The following DUSP9 variants were observed in gnomAD, a reference collection of about 807,000 sequenced individuals.
DUSP9 encodes dual specificity protein phosphatase 9.
A neutral mutation model predicts 13.2 loss-of-function variants in DUSP9; 4 were observed. That is an observed-to-expected ratio of 0.30 (90% CI 0.15 to 0.69). DUSP9 has a LOEUF of 0.69. DUSP9 is among the 30% of genes least tolerant of loss of function. The probability of loss-of-function intolerance (pLI) is 0.73; values close to 1 mark genes in which losing one functional copy is unlikely to be tolerated. For synonymous variants in DUSP9, 166 were observed against 172.3 expected (o/e 0.96, Z 0.29); for missense variants, 263 against 355.0 (o/e 0.74, Z 2.08).
intron 2 of DUSP9, among the ~76,000 whole-genome samples, chrX:153,648,713 C>T (rs1053854398): frequency 2.7e-5 from 3 of 112,089 alleles, no homozygotes; most frequent in African/African-American, 9.7e-5. Context: ...CTCAAGCGAT[C>T]CTCCTGCCTT....
upstream of DUSP9, among the ~76,000 whole-genome samples, chrX:153,646,942 A>C (rs1603186226): frequency 9.0e-6 from 1 of 111,204 alleles, no homozygotes; most frequent in African/African-American, 3.3e-5. Context: ...TCTGGTCCTC[A>C]CCCCTCCCCC....
upstream of DUSP9, chrX:153,643,562 G>T: frequency 3.0e-6 from 1 of 327,978 alleles, no homozygotes; most frequent in East Asian, 9.8e-5. Context: ...AGGGGCCCCG[G>T]GGAGGGGCGG....
At chrX:153,644,120 G>C (rs1462661915), upstream of DUSP9, among the ~76,000 whole-genome samples, 1 of 111,501 alleles carries the variant, frequency 9.0e-6, no homozygotes, top group South Asian at 3.7e-4. Flanking sequence ...CACTCGGCCC[G>C]GCGGGAACGG....
upstream of DUSP9, among the ~76,000 whole-genome samples, chrX:153,644,582 C>T (rs192254503): frequency 3.0e-3 from 336 of 111,978 alleles, no homozygotes; most frequent in African/African-American, 1.0e-2. Flanking sequence ...TCCCATTTGT[C>T]CTGTTGCTGG....
At position 153,647,321 on chromosome X, in the gene DUSP9, G is replaced by A. The variant is rs2091191967; in HGVS notation, c.-140G>A. 1 of 113,500 alleles carries A rather than the reference G, an allele frequency of 8.8e-6. No individual in the cohort carries two copies. The highest frequency in any genetic ancestry group is 1.9e-5 in the Non-Finnish European group (1 of 53,303). The allele number at this position is 113,500 out of a possible 1,213,427, so 9.4% of individuals were successfully genotyped here. On this transcript the variant is annotated 5_prime_UTR_variant, in exon 1 of 4. Coordinates refer to ENST00000342782, the MANE Select transcript of DUSP9 (RefSeq NM_001318503.2). The stretch of plus-strand genomic sequence containing the variant: ...CCGCCCCGCCCTCTCCTGGCGGCCA[G>A]GCCTGGGGACTCTCTGCCGCGGGAC...
intron 2 of DUSP9, among the ~76,000 whole-genome samples, chrX:153,648,864 G>A (rs1016009621): frequency 1.8e-5 from 2 of 112,690 alleles, no homozygotes; most frequent in Middle Eastern, 4.2e-3. Context: ...TGAGAGTCAG[G>A]AGATGCCCAG....
chrX:153,650,622 T>G lies in DUSP9; in HGVS notation c.*317T>G. ...GGCTAGGCCCTGCGCCTCCCTGCGC[T>G]TCCCCCTTCAGGAAGGGTGTGTGCC... On this transcript the variant is annotated 3_prime_UTR_variant, in exon 4 of 4. Transcript: ENST00000342782. The G allele has an allele frequency of 7.2e-5, 16 of 223,533 alleles. No individual in the cohort carries two copies. Among genetic ancestry groups the G allele is most frequent in the Non-Finnish European group, 1.2e-4 (15 of 123,476 alleles). 18.4% of individuals were successfully genotyped at this position (223,533 alleles called of 1,213,427 possible).
intron 2 of DUSP9, 150 bp downstream of exon 2, chrX:153,648,476 G>C (rs950449119): frequency 2.9e-6 from 2 of 696,191 alleles, no homozygotes; most frequent in Non-Finnish European, 1.9e-6. Context: ...GAGTGTGACC[G>C]TGGGGAAGTT....
intron 2 of DUSP9, 26 bp downstream of exon 2, chrX:153,648,352 A>C: frequency 9.2e-7 from 1 of 1,091,826 alleles, no homozygotes; most frequent in Non-Finnish European, 1.2e-6. Context: ...CCCTCCTTCC[A>C]GGGGGTTCGG....
At position 153,650,482 on chromosome X, in the gene DUSP9, C is replaced by T; in HGVS notation, c.*177C>T. 1 of 428,279 alleles carries T rather than the reference C, an allele frequency of 2.3e-6. No homozygotes were observed. The highest frequency in any genetic ancestry group is 4.0e-6 in the Non-Finnish European group (1 of 248,105). 35.3% of individuals were successfully genotyped at this position (428,279 alleles called of 1,213,427 possible). On this transcript the variant is annotated 3_prime_UTR_variant, in exon 4 of 4. Coordinates refer to ENST00000342782, the MANE Select transcript of DUSP9 (RefSeq NM_001318503.2). ...TCAACGTGCCTATGGCGGGACCACG[C>T]TCGGAGCCTGCCTCTTCTGCGACTG...
At chrX:153,643,966 G>T (rs2091178226), upstream of DUSP9, among the ~76,000 whole-genome samples, 1 of 112,522 alleles carries the variant, frequency 8.9e-6, no homozygotes, top group African/African-American at 3.2e-5. Flanking sequence ...TCCCAGTCCC[G>T]CGAGGAGACC....
In DUSP9 at chrX:153,648,265, G is replaced by C; in HGVS notation, c.312G>C (p.Ser104=). ...AGGCCGAGGAGTGGGAGGCCGAGTC[G>C]GTGCTGGGCACCCTGCTGCAGAAGC... ...EAEAEEWEAE[S]VLGTLLQKLR... The change falls in exon 2 of 4, where the codon TCG becomes TCC. Residue 104 remains serine (S), a synonymous_variant. Coordinates refer to ENST00000342782, the MANE Select transcript of DUSP9 (RefSeq NM_001318503.2). 3.5e-6 allele frequency: 4 copies of C among 1,130,503 alleles called. No individual in the cohort carries two copies. Among genetic ancestry groups the C allele is most frequent in the Non-Finnish European group, 4.6e-6 (4 of 861,740 alleles). The allele number at this position is 1,130,503 out of a possible 1,213,427, so 93.2% of individuals were successfully genotyped here.
rs2091211710 is a variant in DUSP9 at position 153,650,549 on chromosome X, A to G, written c.*244A>G. 3 of 383,091 alleles carry G rather than the reference A, an allele frequency of 7.8e-6. No individual in the cohort carries two copies. Among genetic ancestry groups the G allele is most frequent in the Non-Finnish European group, 1.4e-5 (3 of 221,476 alleles). 31.6% of individuals were successfully genotyped at this position (383,091 alleles called of 1,213,427 possible). On this transcript the variant is annotated 3_prime_UTR_variant, in exon 4 of 4. Transcript: ENST00000342782. The stretch of plus-strand genomic sequence containing the variant: ...GGATGGGGGTGGGGGTTCCCTCTCC[A>G]GGTGGTTGTCCAGGCCCAGGTCCCG...
chrX:153,650,386 G>A lies in DUSP9; in HGVS notation c.*81G>A. The A allele has an allele frequency of 2.6e-6, 2 of 763,443 alleles. No homozygotes were observed. Among genetic ancestry groups the A allele is most frequent in the Non-Finnish European group, 1.9e-6 (1 of 535,507 alleles). The allele number at this position is 763,443 out of a possible 1,213,427, so 62.9% of individuals were successfully genotyped here. A position where few individuals can be genotyped will look rare whatever the true frequency, so the allele number is the denominator to read the frequency against. On this transcript the variant is annotated 3_prime_UTR_variant, in exon 4 of 4. Transcript: ENST00000342782. ...CCCACTCGTGTGGCAAGGGAGGGGA[G>A]GGCAGGAGGGCTCGGCCTGAGCAGG...
At position 153,650,528 on chromosome X, in the gene DUSP9, G is replaced by A. The variant is rs1003388589; in HGVS notation, c.*223G>A. 11 of 402,842 alleles carry A rather than the reference G, an allele frequency of 2.7e-5. No homozygotes were observed. The highest frequency in any genetic ancestry group is 4.7e-5 in the Non-Finnish European group (11 of 233,595). The allele number at this position is 402,842 out of a possible 1,213,427, so 33.2% of individuals were successfully genotyped here. Reference sequence around the variant, plus strand: ...GACTGTTACTTTTTCTTTGCGGGATGGGGGTGGGGGTTCCCTCTCCAGGTG... The same window carrying A: ...GACTGTTACTTTTTCTTTGCGGGATAGGGGTGGGGGTTCCCTCTCCAGGTG... On this transcript the variant is annotated 3_prime_UTR_variant, in exon 4 of 4. Coordinates refer to ENST00000342782, the MANE Select transcript of DUSP9 (RefSeq NM_001318503.2).
At chrX:153,649,865 G>A (rs1039970874) in intron 3 of DUSP9, 115 bp from the exon 4 acceptor site, 3 of 977,700 alleles carry the variant, frequency 3.1e-6, no homozygotes, top group Non-Finnish European at 4.1e-6. Context: ...AAACCTGCAG[G>A]TCGTGGCCAT....
chrX:153,650,370 G>A lies in DUSP9; in HGVS notation c.*65G>A. 1 of 891,305 alleles carries A rather than the reference G, an allele frequency of 1.1e-6. No individual in the cohort carries two copies. The highest frequency in any genetic ancestry group is 1.5e-6 in the Non-Finnish European group (1 of 649,433). 73.5% of individuals were successfully genotyped at this position (891,305 alleles called of 1,213,427 possible). A position where few individuals can be genotyped will look rare whatever the true frequency, so the allele number is the denominator to read the frequency against. On this transcript the variant is annotated 3_prime_UTR_variant, in exon 4 of 4. Transcript: ENST00000342782. Reference sequence around the variant, plus strand: ...CCCACGGGTGTCCCTGCCCACTCGTGTGGCAAGGGAGGGGAGGGCAGGAGG... The same window carrying A: ...CCCACGGGTGTCCCTGCCCACTCGTATGGCAAGGGAGGGGAGGGCAGGAGG...
chrX:153,642,530 G>C (rs1021732373), upstream of DUSP9: 1 of 112,872 alleles, frequency 8.9e-6, no homozygotes, highest in African/African-American at 3.2e-5. Context: ...GGCTGCAGCA[G>C]TGGCGCTTCC....
upstream of DUSP9, among the ~76,000 whole-genome samples, chrX:153,646,922 G>C (rs1168815625): frequency 8.9e-6 from 1 of 112,860 alleles, no homozygotes; most frequent in African/African-American, 3.2e-5. Context: ...CTGCGGCAGA[G>C]GGGCTGGGCT....
Sources: gnomAD v4.1 joint callset for allele counts (sites outside exome capture counted in the v4.1 genomes callset) on GRCh38, gnomAD v4.1.1 for gene constraint, MANE v1.5 for transcripts, NCBI Gene and HGNC (gene_info 2026-07-23, HGNC 2026-07-21) for gene names.